The following SUCLG2 variants were observed in gnomAD, a reference collection of about 807,000 sequenced individuals.
SUCLG2 encodes succinate-CoA ligase GDP-forming subunit beta.
In SUCLG2, 42 loss-of-function variants were observed where a neutral mutation model predicts 47.9. The observed-to-expected ratio is 0.88, with a 90% CI of 0.69 to 1.14. The LOEUF is 1.14. Ranked by LOEUF, SUCLG2 falls within the 50% of genes most tolerant of loss-of-function variation. The probability of loss-of-function intolerance (pLI) is 0.00; values close to 1 mark genes in which losing one functional copy is unlikely to be tolerated. For synonymous variants in SUCLG2, 195 were observed against 197.3 expected, an observed-to-expected ratio of 0.99 and a Z score of 0.10; for missense variants, 571 against 525.9, an observed-to-expected ratio of 1.09 and a Z score of -0.84.
intron 7 of SUCLG2, among the ~76,000 whole-genome samples, chr3:67,504,168 T>C (rs1005680334): frequency 1.3e-5 from 2 of 152,092 alleles, no homozygotes; most frequent in Non-Finnish European, 2.9e-5. Flanking sequence ...CCACTTCCCA[T>C]TAAATATTGA....
intron 2 of SUCLG2, among the ~76,000 whole-genome samples, chr3:67,598,224 C>T (rs969980748): frequency 2.6e-5 from 4 of 152,022 alleles, no homozygotes; most frequent in Non-Finnish European, 5.9e-5. Context: ...TCAGGCAACA[C>T]GCCCACCTCG....
intron 1 of SUCLG2, 103 bp from the exon 2 acceptor site, chr3:67,609,699 G>A: frequency 1.9e-6 from 2 of 1,079,080 alleles, no homozygotes; most frequent in South Asian, 2.0e-5. Flanking sequence ...CTGGCAATCT[G>A]CAACCCAGAG....
chr3:67,381,238 A>G (rs1702152617), intron 10 of SUCLG2, among the ~76,000 whole-genome samples: 1 of 152,080 alleles, frequency 6.6e-6, no homozygotes, highest in South Asian at 2.1e-4. Flanking sequence ...GTAAAACAGC[A>G]GAGAGTGGAA....
chr3:67,491,314 G>T (rs1245651115), intron 9 of SUCLG2, among the ~76,000 whole-genome samples: 1 of 150,216 alleles, frequency 6.7e-6, no homozygotes. Flanking sequence ...ACTGCATGAG[G>T]AGGAGGCTTC....
intron 9 of SUCLG2, among the ~76,000 whole-genome samples, chr3:67,454,602 A>G (rs1408506600): frequency 1.3e-5 from 2 of 152,192 alleles, no homozygotes; most frequent in African/African-American, 2.4e-5. Context: ...AGTGGCCTAC[A>G]TCATGACACT....
chr3:67,475,115 A>T (rs1704715004), intron 9 of SUCLG2, among the ~76,000 whole-genome samples: 1 of 152,230 alleles, frequency 6.6e-6, no homozygotes, highest in South Asian at 2.1e-4. Flanking sequence ...GAATGGCATA[A>T]GTGATCAACA....
chr3:67,480,947 A>C (rs1269486059), intron 9 of SUCLG2, among the ~76,000 whole-genome samples: 1 of 152,220 alleles, frequency 6.6e-6, no homozygotes, highest in Non-Finnish European at 1.5e-5. Context: ...AGCAAAGAAT[A>C]GGACAATGTG....
At chr3:67,391,581 T>C (rs1294141905) in intron 10 of SUCLG2, among the ~76,000 whole-genome samples, 1 of 152,140 alleles carries the variant, frequency 6.6e-6, no homozygotes, top group African/African-American at 2.4e-5. Context: ...AATAATGCCT[T>C]TACCTCCTAT....
intron 2 of SUCLG2, among the ~76,000 whole-genome samples, chr3:67,554,501 G>A (rs1246707587): frequency 6.6e-6 from 1 of 152,044 alleles, no homozygotes; most frequent in African/African-American, 2.4e-5. Context: ...AATAAATTTG[G>A]TGCTACACTC....
rs549256547 is a variant in SUCLG2 at position 67,461,629 on chromosome 3, GA to G, written c.1062+34168del. Reference sequence around the variant, plus strand: ...TGGAAACTAGTGTCATTTTAGGCTGGAAAATGCCTTGTTATGGTGAGCTGTT... The same window carrying G: ...TGGAAACTAGTGTCATTTTAGGCTGGAAATGCCTTGTTATGGTGAGCTGTT... On this transcript the variant is annotated intron_variant, in intron 9 of 10. Coordinates refer to ENST00000307227, the MANE Select transcript of SUCLG2 (RefSeq NM_003848.4). Among the ~76,000 whole-genome samples, 13 of 151,986 alleles carry G rather than the reference GA, an allele frequency of 8.6e-5. No individual in the cohort carries two copies. The South Asian group carries it at 2.7e-3, about 32-fold the overall frequency.
chr3:67,391,568 A>G (rs143642436), intron 10 of SUCLG2, among the ~76,000 whole-genome samples: 102 of 152,320 alleles, frequency 6.7e-4, no homozygotes, highest in African/African-American at 2.4e-3. Flanking sequence ...AGATGAGAGC[A>G]GTAATAATGC....
chr3:67,376,193 CA>C (rs1386494411), intron 10 of SUCLG2: 8 of 985,214 alleles, frequency 8.1e-6, no homozygotes, highest in Non-Finnish European at 9.6e-6. Flanking sequence ...AAAGCCCTCT[CA>C]GACGTCATCA....
chr3:67,395,102 A>G (rs1299961925), intron 10 of SUCLG2, among the ~76,000 whole-genome samples: 7 of 152,094 alleles, frequency 4.6e-5, no homozygotes, highest in East Asian at 3.9e-4. Flanking sequence ...GACTAGGAAG[A>G]AACTGCATCA....
intron 10 of SUCLG2, among the ~76,000 whole-genome samples, chr3:67,390,495 C>T (rs1702356653): frequency 6.6e-6 from 1 of 152,148 alleles, no homozygotes; most frequent in Non-Finnish European, 1.5e-5. Context: ...CATGTATTTA[C>T]TTGCCTTATC....
chr3:67,369,612 G>A (rs1389966733), intron 10 of SUCLG2, among the ~76,000 whole-genome samples: 1 of 152,220 alleles, frequency 6.6e-6, no homozygotes, highest in East Asian at 1.9e-4. Flanking sequence ...CGCTGGGCCT[G>A]TGTGCAGTCT....
intron 9 of SUCLG2, among the ~76,000 whole-genome samples, chr3:67,486,735 C>T (rs1292959878): frequency 6.6e-6 from 1 of 152,050 alleles, no homozygotes; most frequent in African/African-American, 2.4e-5. Flanking sequence ...ACAGTGAAAT[C>T]ATACACACAA....
At chr3:67,632,763 A>T (rs1700948824) in intron 1 of SUCLG2, among the ~76,000 whole-genome samples, 1 of 152,092 alleles carries the variant, frequency 6.6e-6, no homozygotes, top group Non-Finnish European at 1.5e-5. Flanking sequence ...AGATTAACAC[A>T]TGTTTCCAAG....
chr3:67,469,530 C>T lies in SUCLG2; in HGVS notation c.1062+26268G>A, dbSNP rs372015700. On this transcript the variant is annotated intron_variant, in intron 9 of 10. Coordinates refer to ENST00000307227, the MANE Select transcript of SUCLG2 (RefSeq NM_003848.4). ...GGATCACGAGGTCAGGAGTTCGAGA[C>T]CAGCCTGGCCAACATGGTGAAACCC... 4.0e-5 allele frequency among the ~76,000 whole-genome samples: 6 copies of T among 150,384 alleles called. No homozygotes were observed. In the East Asian group the frequency reaches 1.2e-3, roughly 30 times the overall value.
intron 9 of SUCLG2, among the ~76,000 whole-genome samples, chr3:67,493,981 C>G (rs1393589051): frequency 6.6e-6 from 1 of 152,170 alleles, no homozygotes; most frequent in African/African-American, 2.4e-5. Flanking sequence ...TATTCCTGAA[C>G]GGCACTGGAG....
Sources: allele counts gnomAD v4.1 joint callset (sites outside exome capture counted in the v4.1 genomes callset), GRCh38; gene constraint gnomAD v4.1.1; transcripts MANE v1.5; gene names NCBI Gene and HGNC (gene_info 2026-07-23, HGNC 2026-07-21).